The following NDRG1 variants were observed in gnomAD, a reference collection of about 807,000 sequenced individuals.
NDRG1 encodes N-myc downstream regulated 1.
A neutral mutation model predicts 56.9 loss-of-function variants in NDRG1; 32 were observed. The observed-to-expected ratio is 0.56, with a 90% CI of 0.42 to 0.76. The LOEUF (loss-of-function observed/expected upper bound fraction) is 0.76. NDRG1 is among the 30% of genes least tolerant of loss of function. NDRG1 has a pLI of 0.00. For missense variants in NDRG1, 507 were observed against 545.7 expected (o/e 0.93, Z 0.71); for synonymous variants, 211 against 204.1 (o/e 1.03, Z -0.29).
At chr8:133,248,502 G>A (rs1287393584) in intron 11 of NDRG1, among the ~76,000 whole-genome samples, 1 of 152,170 alleles carries the variant, frequency 6.6e-6, no homozygotes, top group East Asian at 1.9e-4. Context: ...CAAGATCAAA[G>A]GCCTAGGTCA....
At chr8:133,244,466 G>A in intron 13 of NDRG1, 76 bp from the exon 14 acceptor site, 5 of 1,568,444 alleles carry the variant, frequency 3.2e-6, no homozygotes, top group Admixed American at 1.7e-5. Context: ...TTTTCCGAAA[G>A]GATGCCCATC....
At chr8:133,272,717 A>T (rs544333304) in intron 3 of NDRG1, among the ~76,000 whole-genome samples, 95 of 152,306 alleles carry the variant, frequency 6.2e-4, no homozygotes, top group African/African-American at 1.8e-3. Flanking sequence ...GTGCTGATCC[A>T]GATGAGCGTT....
At chr8:133,257,103 G>A (rs949639438) in intron 7 of NDRG1, among the ~76,000 whole-genome samples, 6 of 152,178 alleles carry the variant, frequency 3.9e-5, no homozygotes, top group African/African-American at 9.7e-5. Context: ...TAGGAAGCCC[G>A]CTGCTTTGCA....
At chr8:133,259,018 T>C in intron 6 of NDRG1, 150 bp downstream of exon 6, 2 of 799,472 alleles carry the variant, frequency 2.5e-6, no homozygotes, top group South Asian at 2.7e-5. Flanking sequence ...TGAAGAACAG[T>C]GTTCACAGAG....
At chr8:133,242,975 A>G (rs1855468629) in intron 14 of NDRG1, among the ~76,000 whole-genome samples, 1 of 152,212 alleles carries the variant, frequency 6.6e-6, no homozygotes, top group Admixed American at 6.5e-5. Flanking sequence ...CAGTTCTACC[A>G]GTTCTCTCAG....
intron 1 of NDRG1, among the ~76,000 whole-genome samples, chr8:133,296,218 G>C (rs1176059639): frequency 6.6e-6 from 1 of 151,618 alleles, no homozygotes; most frequent in East Asian, 1.9e-4. Context: ...TTCCCCCGTG[G>C]AGGGCAGGAG....
chr8:133,293,401 T>C (rs1015035758), intron 1 of NDRG1, among the ~76,000 whole-genome samples: 4 of 152,094 alleles, frequency 2.6e-5, no homozygotes, highest in African/African-American at 7.2e-5. Context: ...AAGCGCAATG[T>C]TGGAGGGTGG....
At chr8:133,254,710 G>A in intron 8 of NDRG1, 115 bp from the exon 9 acceptor site, 2 of 1,020,870 alleles carry the variant, frequency 2.0e-6, no homozygotes, top group Middle Eastern at 2.1e-4. Flanking sequence ...CCCCCTACAT[G>A]CAGGCCTCAA....
intron 3 of NDRG1, 72 bp downstream of exon 3, chr8:133,280,160 A>G: frequency 6.4e-7 from 1 of 1,570,990 alleles, no homozygotes; most frequent in Non-Finnish European, 8.7e-7. Flanking sequence ...ATCTACTTAA[A>G]CCAATGGAAA....
At chr8:133,261,616 T>C (rs1856662873) in intron 5 of NDRG1, among the ~76,000 whole-genome samples, 1 of 152,184 alleles carries the variant, frequency 6.6e-6, no homozygotes, top group Non-Finnish European at 1.5e-5. Flanking sequence ...CCCTCTCTGT[T>C]TCTCCCCAGA....
At position 133,239,018 on chromosome 8, in the gene NDRG1, C is replaced by G; in HGVS notation, c.1045G>C (p.Gly349Arg). 6.3e-7 allele frequency: 1 copy of G among 1,598,810 alleles called. No individual in the cohort carries two copies. Among genetic ancestry groups the G allele is most frequent in the Non-Finnish European group, 8.5e-7 (1 of 1,174,288 alleles). ...CTGGTGTGGGAGCGGCTTCGGGTGC[C>G]CTCGCTGGTGTGGGAGCGGCTGCGG... is the stretch of plus-strand genomic sequence containing the variant. ...GTRSRSHTSEGTRSRSHTSEG... is the reference protein window; with the variant it reads ...GTRSRSHTSERTRSRSHTSEG... Residue 349 changes from glycine to arginine, a missense_variant, in exon 16 of 16, where the codon GGC becomes CGC. Gly to Arg is a moderately radical substitution (Grantham distance 125). Coordinates refer to ENST00000323851, the MANE Select transcript of NDRG1 (RefSeq NM_006096.4).
chr8:133,256,664 G>A, intron 8 of NDRG1, 113 bp downstream of exon 8: 2 of 958,874 alleles, frequency 2.1e-6, no homozygotes, highest in East Asian at 2.6e-5. Flanking sequence ...GAGGGTAGTG[G>A]AGGAGTGGGT....
At chr8:133,259,142 A>C in intron 6 of NDRG1, 26 bp downstream of exon 6, 1 of 1,610,658 alleles carries the variant, frequency 6.2e-7, no homozygotes, top group Middle Eastern at 1.7e-4. Context: ...CTGCAGACAG[A>C]GAAGGAGCTG....
Position 133,239,117 on chromosome 8 carries a change from G to C in NDRG1, c.946C>G (p.Pro316Ala). ...ATCAGGCGGGTCATGCTAGCCGAGGGCACTAGGGGAACAAGAGACAGCCGG... is the reference window on the plus strand; with the variant it reads ...ATCAGGCGGGTCATGCTAGCCGAGGCCACTAGGGGAACAAGAGACAGCCGG... ...KYFVQGMGYM[P>A]SASMTRLMRS... The change falls in exon 16 of 16, where the codon CCC (proline) becomes GCC (alanine). Residue 316 changes from proline to alanine, a missense_variant and splice_region_variant. By Grantham distance (27) the Pro-to-Ala change is conservative (BLOSUM62 -1). Coordinates refer to ENST00000323851, the MANE Select transcript of NDRG1 (RefSeq NM_006096.4). 1 of 1,555,384 alleles carries C rather than the reference G, an allele frequency of 6.4e-7. No homozygotes were observed. Among genetic ancestry groups the C allele is most frequent in the South Asian group, 1.2e-5 (1 of 84,406 alleles).
rs1489186863 is a variant in NDRG1 at position 133,238,650 on chromosome 8, C to A, written c.*228G>T. On this transcript the variant is annotated 3_prime_UTR_variant, in exon 16 of 16. Coordinates refer to ENST00000323851, the MANE Select transcript of NDRG1 (RefSeq NM_006096.4). The stretch of plus-strand genomic sequence containing the variant: ...GGCCACTGGTTAATGGAAGAGGATG[C>A]GATGCGGAGATGCTTGCTTCCTTCC... The A allele has an allele frequency of 3.4e-6, 2 of 593,126 alleles. No homozygotes were observed. The highest frequency in any genetic ancestry group is 5.9e-6 in the Non-Finnish European group (2 of 338,396). 36.7% of individuals were successfully genotyped at this position (593,126 alleles called of 1,614,324 possible).
In NDRG1 at chr8:133,242,032, T is replaced by C. The variant is rs1191401045; in HGVS notation, c.934A>G (p.Met312Val). ...GGAATGCCATACTCACTGTATCCCA[T>C]GCCCTGCACGAAGTACTTGAAGGCC... Reference protein sequence around the residue: ...AEAFKYFVQGMGYMPSASMTR... With the variant: ...AEAFKYFVQGVGYMPSASMTR... The change falls in exon 15 of 16, where the codon ATG (methionine) becomes GTG (valine). Residue 312 changes from methionine to valine, a missense_variant. Physicochemically the swap from Met to Val is conservative, Grantham distance 21 (BLOSUM62 1). Transcript: ENST00000323851. 6.2e-7 allele frequency: 1 copy of C among 1,614,198 alleles called. No individual in the cohort carries two copies. Among genetic ancestry groups the C allele is most frequent in the Admixed American group, 1.7e-5 (1 of 60,024 alleles).
At chr8:133,282,541 T>C (rs981323105) in intron 2 of NDRG1, among the ~76,000 whole-genome samples, 5 of 152,384 alleles carry the variant, frequency 3.3e-5, no homozygotes, top group Non-Finnish European at 7.3e-5. Context: ...TGGTGATATG[T>C]ATTTGTTCTA....
At chr8:133,287,513 G>C (rs927567796) in intron 1 of NDRG1, among the ~76,000 whole-genome samples, 3 of 152,226 alleles carry the variant, frequency 2.0e-5, no homozygotes, top group Non-Finnish European at 2.9e-5. Context: ...TCACAGTCCC[G>C]AGGGGACAGG....
At chr8:133,267,822 CCA>C (rs1563630765) in intron 3 of NDRG1, among the ~76,000 whole-genome samples, 1 of 152,166 alleles carries the variant, frequency 6.6e-6, no homozygotes, top group African/African-American at 2.4e-5. Context: ...CGCCTGCACC[CCA>C]GACTCCATAG....
Sources: allele counts gnomAD v4.1 joint callset (sites outside exome capture counted in the v4.1 genomes callset), GRCh38; gene constraint gnomAD v4.1.1; transcripts MANE v1.5; gene names NCBI Gene and HGNC (gene_info 2026-07-23, HGNC 2026-07-21).